GALNT13: variants seen among roughly 807,000 people sequenced by gnomAD.
GALNT13 encodes the protein polypeptide N-acetylgalactosaminyltransferase 13.
GALNT13 carries 28 observed loss-of-function variants against 64.2 expected under a neutral mutation model. The ratio of observed to expected loss-of-function variants is 0.44; its 90% confidence interval spans 0.32 to 0.60. The LOEUF is 0.60. Ranked by LOEUF, GALNT13 falls within the 20% of genes least tolerant of loss-of-function variation. The pLI, the probability that GALNT13 is intolerant of heterozygous loss-of-function variation, is 0.05. For missense variants in GALNT13, 577 were observed against 669.8 expected (o/e 0.86, Z 1.53); for synonymous variants, 214 against 224.6 (o/e 0.95, Z 0.42).
chr2:153,918,422 T>C (rs543695193), intron 2 of GALNT13, among the ~76,000 whole-genome samples: 1 of 152,274 alleles, frequency 6.6e-6, no homozygotes, highest in East Asian at 1.9e-4. Context: ...AGCGGTATCT[T>C]CCATTTCCCA....
chr2:153,223,622 T>C, the GALNT13 span, among the ~76,000 whole-genome samples: 3 of 152,260 alleles, frequency 2.0e-5, no homozygotes, highest in East Asian at 3.9e-4. Context: ...TAAAAAAATA[T>C]GTTCAACTAA....
At chr2:153,181,791 T>C in the GALNT13 span, among the ~76,000 whole-genome samples, 15 of 145,954 alleles carry the variant, frequency 1.0e-4, no homozygotes, top group South Asian at 2.9e-3. Context: ...ATATTTATAT[T>C]ATATAAATAT....
At chr2:154,454,393 T>G (rs2105516066), downstream of GALNT13, 1 of 152,266 alleles carries the variant, frequency 6.6e-6, no homozygotes, top group East Asian at 1.9e-4. Flanking sequence ...CCAGGCATGG[T>G]GGCTCACGCC....
intron 4 of GALNT13, among the ~76,000 whole-genome samples, chr2:154,159,780 C>T (rs1684629281): frequency 6.6e-6 from 1 of 151,974 alleles, no homozygotes; most frequent in South Asian, 2.1e-4. Context: ...TGCACTATAA[C>T]AAATCAGAGT....
At chr2:153,323,338 G>T in the GALNT13 span, among the ~76,000 whole-genome samples, 1 of 149,988 alleles carries the variant, frequency 6.7e-6, no homozygotes, top group Non-Finnish European at 1.5e-5. Flanking sequence ...TTTTGATAGG[G>T]TTTTTTTTTC....
chr2:153,977,261 T>C (rs1694136156), intron 3 of GALNT13, among the ~76,000 whole-genome samples: 1 of 152,198 alleles, frequency 6.6e-6, no homozygotes. Context: ...ATGTCTAGCA[T>C]TACCATGCTA....
At chr2:153,284,134 G>A in the GALNT13 span, among the ~76,000 whole-genome samples, 2 of 152,150 alleles carry the variant, frequency 1.3e-5, no homozygotes, top group East Asian at 1.9e-4. Context: ...CTGGAGTTTT[G>A]CCTGGGGGTG....
chr2:153,160,943 G>A, the GALNT13 span, among the ~76,000 whole-genome samples: 1 of 152,152 alleles, frequency 6.6e-6, no homozygotes, highest in African/African-American at 2.4e-5. Context: ...GTCAGAGAAT[G>A]ACTGCAGGCT....
the GALNT13 span, among the ~76,000 whole-genome samples, chr2:153,140,218 T>A: frequency 6.6e-6 from 1 of 152,074 alleles, no homozygotes; most frequent in African/African-American, 2.4e-5. Context: ...ACATAATGTA[T>A]GCCAAGCACT....
chr2:153,091,659 A>G, the GALNT13 span, among the ~76,000 whole-genome samples: 4 of 152,190 alleles, frequency 2.6e-5, no homozygotes, highest in Non-Finnish European at 4.4e-5. Context: ...CCATCCTCCC[A>G]AACAATCACC....
the GALNT13 span, among the ~76,000 whole-genome samples, chr2:153,124,198 T>C: frequency 6.6e-6 from 1 of 152,166 alleles, no homozygotes; most frequent in South Asian, 2.1e-4. Context: ...ATGTGTTAAG[T>C]TTAGAATCGA....
chr2:154,343,166 G>A lies in GALNT13; in HGVS notation c.1156+41577G>A, dbSNP rs566622987. ...GCTAAACATGGGGGCATCAGCTCTC[G>A]TTCCAGCCAGGTCTCAAGGAAGATA... is the stretch of plus-strand genomic sequence containing the variant. On this transcript the variant is annotated intron_variant, in intron 9 of 12. Coordinates refer to ENST00000392825, the MANE Select transcript of GALNT13 (RefSeq NM_052917.4). Among the ~76,000 whole-genome samples, 865 of 151,998 alleles carry A rather than the reference G, an allele frequency of 5.7e-3. 6 individuals are homozygous for A. The highest frequency in any genetic ancestry group is 9.5e-3 in the South Asian group (46 of 4,820).
chr2:153,587,144 G>C, the GALNT13 span, among the ~76,000 whole-genome samples: 1 of 150,876 alleles, frequency 6.6e-6, no homozygotes, highest in Non-Finnish European at 1.5e-5. Flanking sequence ...CTAGACACAA[G>C]AGTCGCATGA....
the GALNT13 span, among the ~76,000 whole-genome samples, chr2:153,402,067 G>A: frequency 2.2e-4 from 32 of 146,318 alleles, no homozygotes; most frequent in Admixed American, 1.8e-3. Context: ...GGCTGGTACC[G>A]GTTGTTCCTT....
At chr2:153,684,608 C>T in the GALNT13 span, among the ~76,000 whole-genome samples, 48 of 151,530 alleles carry the variant, frequency 3.2e-4, no homozygotes, top group African/African-American at 1.1e-3. Flanking sequence ...GATTGATTTC[C>T]TTGTTGATGG....
At chr2:154,095,638 G>A (rs1702037389) in intron 3 of GALNT13, among the ~76,000 whole-genome samples, 1 of 151,840 alleles carries the variant, frequency 6.6e-6, no homozygotes, top group Non-Finnish European at 1.5e-5. Context: ...TTCTTAATAT[G>A]TGAATAGAAT....
the GALNT13 span, among the ~76,000 whole-genome samples, chr2:153,822,481 C>T: frequency 6.6e-6 from 1 of 152,008 alleles, no homozygotes; most frequent in African/African-American, 2.4e-5. Context: ...AAATAAAGGC[C>T]ATATGATTAT....
the GALNT13 span, among the ~76,000 whole-genome samples, chr2:153,670,799 C>G: frequency 6.6e-6 from 1 of 152,114 alleles, no homozygotes; most frequent in African/African-American, 2.4e-5. Context: ...AAGCTAAAAA[C>G]CTTGAAAGAA....
rs143817252 is a variant in GALNT13 at position 154,078,506 on chromosome 2, G to A, written c.143-61831G>A. Among the ~76,000 whole-genome samples the A allele has an allele frequency of 3.9e-4, 59 of 151,584 alleles. 1 individual carries two copies. In the East Asian group the frequency reaches 9.7e-3, roughly 25 times the overall value. On this transcript the variant is annotated intron_variant, in intron 3 of 12. Coordinates refer to ENST00000392825, the MANE Select transcript of GALNT13 (RefSeq NM_052917.4). ...TAGAGTGAATTTAGGTTGGAAGAAG[G>A]TTCTTTCTTCATCTTTCTTTATCTC...
Sources: allele counts gnomAD v4.1 joint callset (sites outside exome capture counted in the v4.1 genomes callset), GRCh38; gene constraint gnomAD v4.1.1; transcripts MANE v1.5; gene names NCBI Gene and HGNC (gene_info 2026-07-23, HGNC 2026-07-21).